The following MRO variants were observed in gnomAD, a reference collection of about 807,000 sequenced individuals.
MRO encodes maestro, also known as protein maestro.
A neutral mutation model predicts 31.0 loss-of-function variants in MRO; 28 were observed. That is an observed-to-expected ratio of 0.90 (90% CI 0.67 to 1.24). MRO has a LOEUF of 1.24. Ranked by LOEUF, MRO falls within the 50% of genes most tolerant of loss-of-function variation. The pLI, the probability that MRO is intolerant of heterozygous loss-of-function variation, is 0.00. For synonymous variants in MRO, 108 were observed against 108.4 expected, an observed-to-expected ratio of 1.00 and a Z score of 0.02; for missense variants, 332 against 289.2, an observed-to-expected ratio of 1.15 and a Z score of -1.07.
chr18:50,824,859 G>A (rs1915454205), upstream of MRO, among the ~76,000 whole-genome samples: 1 of 150,534 alleles, frequency 6.6e-6, no homozygotes, highest in Non-Finnish European at 1.5e-5. Context: ...AGGATCACCT[G>A]AGGTCAGGAG....
intron 2 of MRO, among the ~76,000 whole-genome samples, chr18:50,818,019 T>G (rs568169220): frequency 7.3e-5 from 9 of 123,244 alleles, no homozygotes; most frequent in Admixed American, 7.2e-4. Context: ...CCCTCCTTCC[T>G]GCCTGCAGTG....
intron 4 of MRO, among the ~76,000 whole-genome samples, chr18:50,806,042 G>A (rs1660688959): frequency 6.6e-6 from 1 of 151,558 alleles, no homozygotes; most frequent in Non-Finnish European, 1.5e-5. Context: ...TCAAGCCTCA[G>A]CCTCCCGAGT....
At chr18:50,814,030 A>G (rs566810628) in intron 2 of MRO, among the ~76,000 whole-genome samples, 2 of 152,318 alleles carry the variant, frequency 1.3e-5, no homozygotes, top group East Asian at 3.9e-4. Context: ...GTCAAAAAAC[A>G]TGCTTGGTTG....
upstream of MRO, among the ~76,000 whole-genome samples, chr18:50,820,416 T>C (rs1413016543): frequency 6.6e-6 from 1 of 152,206 alleles, no homozygotes. Flanking sequence ...TCAGCCCTCC[T>C]TCCCTGACTC....
At chr18:50,817,994 A>ACCC (rs1283098232) in intron 2 of MRO, among the ~76,000 whole-genome samples, 2 of 109,732 alleles carry the variant, frequency 1.8e-5, no homozygotes, top group Non-Finnish European at 3.8e-5. Flanking sequence ...AAGAACTCCC[A>ACCC]CCCCCCGCCC....
At chr18:50,803,543 T>C (rs1211799948) in intron 5 of MRO, among the ~76,000 whole-genome samples, 2 of 151,336 alleles carry the variant, frequency 1.3e-5, no homozygotes, top group Non-Finnish European at 2.9e-5. Flanking sequence ...GACAAACAAG[T>C]CCTCGAAGTT....
chr18:50,804,161 G>A (rs1681849002), intron 5 of MRO, among the ~76,000 whole-genome samples: 1 of 152,226 alleles, frequency 6.6e-6, no homozygotes, highest in Non-Finnish European at 1.5e-5. Context: ...AGGGTTATTG[G>A]GAAGATTATA....
chr18:50,808,457 C>CTTTTTTT (rs56936277), intron 3 of MRO, among the ~76,000 whole-genome samples: 1 of 142,704 alleles, frequency 7.0e-6, no homozygotes, highest in Non-Finnish European at 1.5e-5. Context: ...TTTATCTTAT[C>CTTTTTTT]TTTTTTTTTT....
intron 5 of MRO, 103 bp downstream of exon 5, chr18:50,805,051 A>C: frequency 1.0e-6 from 1 of 959,392 alleles, no homozygotes; most frequent in Non-Finnish European, 1.6e-6. Flanking sequence ...TCGGCCTCCC[A>C]AAGTGCTGAG....
In MRO at chr18:50,803,494, G is replaced by A. The variant is rs149139724; in HGVS notation, c.429+1660C>T. Among the ~76,000 whole-genome samples, 847 of 150,878 alleles carry A rather than the reference G, an allele frequency of 5.6e-3. 6 individuals are homozygous for A. The highest frequency in any genetic ancestry group is 0.019 in the African/African-American group (786 of 41,016). Reference sequence around the variant, plus strand: ...TGTACTCCAGCCTGGGCAATACAGCGAGACCCTGTCTCAAAAAAAAAAAAA... The same window carrying A: ...TGTACTCCAGCCTGGGCAATACAGCAAGACCCTGTCTCAAAAAAAAAAAAA... On this transcript the variant is annotated intron_variant, in intron 5 of 7. Coordinates refer to ENST00000398439, the MANE Select transcript of MRO (RefSeq NM_031939.6).
In MRO at chr18:50,805,325, A is replaced by C; in HGVS notation, c.258T>G (p.Tyr86Ter). 6.2e-7 allele frequency: 1 copy of C among 1,613,658 alleles called. No individual in the cohort carries two copies. Among genetic ancestry groups the C allele is most frequent in the South Asian group, 1.1e-5 (1 of 90,920 alleles). The change falls in exon 5 of 8, where the codon TAT (tyrosine) becomes TAG (stop). Residue 86 changes from tyrosine to a stop codon, truncating the protein, a stop_gained. Coordinates refer to ENST00000398439, the MANE Select transcript of MRO (RefSeq NM_031939.6). LOFTEE classifies it high-confidence loss of function. ...CCAGCAGGTCGAGGACAATTTTCTTATACTTTCTCACCTGTCACCAAGGTT... is the reference window on the plus strand; with the variant it reads ...CCAGCAGGTCGAGGACAATTTTCTTCTACTTTCTCACCTGTCACCAAGGTT... ...AYEAPDKVRKYKKIVLDLLVY... is the reference protein window; with the variant it reads ...AYEAPDKVRK
chr18:50,801,530 A>G (rs1913319974), intron 5 of MRO, 26 bp from the exon 6 acceptor site: 2 of 1,565,554 alleles, frequency 1.3e-6, no homozygotes, highest in Admixed American at 1.9e-5. Context: ...ACAAAACAAT[A>G]AGAAAGCCAG....
intron 3 of MRO, 111 bp downstream of exon 3, chr18:50,809,191 T>G (rs930666908): frequency 2.6e-5 from 14 of 541,914 alleles, no homozygotes; most frequent in Non-Finnish European, 3.5e-5. Flanking sequence ...CAAAGTTTTT[T>G]CAGAAGGAAC....
In MRO at chr18:50,801,380, T is replaced by C. The variant is rs780232003; in HGVS notation, c.554A>G (p.His185Arg). Residue 185 changes from histidine to arginine, a missense_variant, in exon 6 of 8, where the codon CAT (histidine) becomes CGT (arginine). His to Arg is a conservative substitution (Grantham distance 29, BLOSUM62 0). Coordinates refer to ENST00000398439, the MANE Select transcript of MRO (RefSeq NM_031939.6). ...VKQTRDSLLI[H>R]LQDRNPQVAK... is the part of the protein sequence containing the mutation. Reference sequence around the variant, plus strand: ...AACCTGGGGATTTCTGTCCTGTAAATGGATCAGGAGGGAATCTCGTGTCTG... The same window carrying C: ...AACCTGGGGATTTCTGTCCTGTAAACGGATCAGGAGGGAATCTCGTGTCTG... 6.2e-7 allele frequency: 1 copy of C among 1,604,472 alleles called. No individual in the cohort carries two copies. The highest frequency in any genetic ancestry group is 1.1e-5 in the South Asian group (1 of 89,788).
chr18:50,799,535 T>C, intron 7 of MRO, 145 bp from the exon 8 acceptor site: 2 of 722,926 alleles, frequency 2.8e-6, no homozygotes, highest in East Asian at 2.5e-5. Flanking sequence ...GTGACCTGAA[T>C]TGGAACTGCC....
In MRO at chr18:50,796,711, C is replaced by A. The variant is rs1408071683; in HGVS notation, c.*2626G>T. 1 of 152,176 alleles carries A rather than the reference C, an allele frequency of 6.6e-6. No homozygotes were observed. The highest frequency in any genetic ancestry group is 1.5e-5 in the Non-Finnish European group (1 of 68,066). 9.4% of individuals were successfully genotyped at this position (152,176 alleles called of 1,614,324 possible). On this transcript the variant is annotated 3_prime_UTR_variant, in exon 8 of 8. Transcript: ENST00000398439. ...GTTGAGAGAAGAGAAAGGACCCAAA[C>A]TTGTCTGAAGCAAAGAGAGTAACAG...
chr18:50,806,060 A>C (rs1913890170), intron 4 of MRO, among the ~76,000 whole-genome samples: 1 of 151,602 alleles, frequency 6.6e-6, no homozygotes, highest in Admixed American at 6.6e-5. Context: ...AGTAGCTGAG[A>C]TTGCAGGCAC....
Position 50,805,312 on chromosome 18 carries a change from G to T in MRO, c.271C>A (p.Leu91Ile). 1 of 1,613,792 alleles carries T rather than the reference G, an allele frequency of 6.2e-7. No individual in the cohort carries two copies. The highest frequency in any genetic ancestry group is 2.2e-5 in the East Asian group (1 of 44,882). The change falls in exon 5 of 8, where the codon CTC becomes ATC. Residue 91 changes from leucine (L) to isoleucine (I), a missense_variant. By Grantham distance (5) the Leu-to-Ile change is conservative (BLOSUM62 2). Transcript: ENST00000398439. ...DKVRKYKKIV[L>I]DLLVYGLYDP... ...TACAGTCCATACACCAGCAGGTCGA[G>T]GACAATTTTCTTATACTTTCTCACC...
intron 1 of MRO, 58 bp downstream of exon 1, chr18:50,819,838 AT>A: frequency 1.2e-5 from 19 of 1,539,846 alleles, no homozygotes; most frequent in Non-Finnish European, 1.7e-5. Flanking sequence ...AGGGGAGGGA[AT>A]TGTTCTGGAA....
Sources: allele counts gnomAD v4.1 joint callset (sites outside exome capture counted in the v4.1 genomes callset), GRCh38; gene constraint gnomAD v4.1.1; transcripts MANE v1.5; gene names NCBI Gene and HGNC (gene_info 2026-07-23, HGNC 2026-07-21).